The following PEX5L variants were observed in gnomAD, a reference collection of about 807,000 sequenced individuals.
PEX5L encodes the protein PEX5-related protein.
PEX5L carries 30 observed loss-of-function variants against 84.0 expected under a neutral mutation model. The observed-to-expected ratio is 0.36, with a 90% CI of 0.27 to 0.48. The LOEUF (loss-of-function observed/expected upper bound fraction) is 0.48, where lower values mean the gene tolerates loss of function less well. Among genes scored for constraint, PEX5L ranks in the 20% least tolerant of loss-of-function variants. The probability of loss-of-function intolerance (pLI) is 0.99; values close to 1 mark genes in which losing one functional copy is unlikely to be tolerated. For missense variants in PEX5L, 533 were observed against 754.6 expected (o/e 0.71, Z 3.44); for synonymous variants, 270 against 283.1 (o/e 0.95, Z 0.46).
intron 2 of PEX5L, among the ~76,000 whole-genome samples, chr3:179,901,591 T>C (rs1761366457): frequency 6.6e-6 from 1 of 152,222 alleles, no homozygotes; most frequent in Admixed American, 6.5e-5. Context: ...TCAAGTAATA[T>C]TTCAAAATCA....
intron 12 of PEX5L, among the ~76,000 whole-genome samples, chr3:179,808,844 G>A (rs1722451740): frequency 6.6e-6 from 1 of 151,992 alleles, no homozygotes; most frequent in Non-Finnish European, 1.5e-5. Flanking sequence ...TTGGGAGGCC[G>A]AGGCGGGCGG....
chr3:179,960,750 G>A lies in PEX5L; in HGVS notation c.93+10844C>T, dbSNP rs944598698. Among the ~76,000 whole-genome samples, 3 of 152,212 alleles carry A rather than the reference G, an allele frequency of 2.0e-5. No homozygotes were observed. In the South Asian group the frequency reaches 6.2e-4, roughly 32 times the overall value. ...TTATGAGCTCAATATGTTTTATCTTGTAGTAAATGATTTGATTAATGAAAT... is the reference window on the plus strand; with the variant it reads ...TTATGAGCTCAATATGTTTTATCTTATAGTAAATGATTTGATTAATGAAAT... On this transcript the variant is annotated intron_variant, in intron 2 of 14. Coordinates refer to ENST00000467460, the MANE Select transcript of PEX5L (RefSeq NM_016559.3).
At chr3:179,900,472 T>C (rs1406215048) in intron 2 of PEX5L, among the ~76,000 whole-genome samples, 1 of 152,164 alleles carries the variant, frequency 6.6e-6, no homozygotes, top group African/African-American at 2.4e-5. Context: ...ATCCATAAAC[T>C]ACATAGAGAT....
chr3:179,849,564 A>T (rs1278403993), intron 8 of PEX5L, among the ~76,000 whole-genome samples: 1 of 152,192 alleles, frequency 6.6e-6, no homozygotes, highest in African/African-American at 2.4e-5. Context: ...TAAGTTTAAC[A>T]TGTGATTCCT....
rs866233445 is a variant in PEX5L at position 179,956,806 on chromosome 3, C to T, written c.93+14788G>A. Among the ~76,000 whole-genome samples, 34 of 152,224 alleles carry T rather than the reference C, an allele frequency of 2.2e-4. 1 individual carries two copies. The highest frequency in any genetic ancestry group is 3.4e-3 in the Middle Eastern group (1 of 294). ...CTCCAGTGATGCTTAACGGTGCATC[C>T]GGGATATGAAAAGATGACACTGCAA... On this transcript the variant is annotated intron_variant, in intron 2 of 14. Coordinates refer to ENST00000467460, the MANE Select transcript of PEX5L (RefSeq NM_016559.3).
intron 2 of PEX5L, among the ~76,000 whole-genome samples, chr3:179,944,927 CCT>C (rs2109858875): frequency 6.6e-6 from 1 of 152,298 alleles, no homozygotes; most frequent in African/African-American, 2.4e-5. Flanking sequence ...TTAACATCTC[CCT>C]CTGTGTCCGC....
At chr3:179,960,410 G>A (rs1341209093) in intron 2 of PEX5L, among the ~76,000 whole-genome samples, 1 of 152,174 alleles carries the variant, frequency 6.6e-6, no homozygotes, top group Non-Finnish European at 1.5e-5. Flanking sequence ...GGGGCTGGAT[G>A]ACAATGGACA....
At chr3:179,889,906 C>T (rs1326088073) in intron 3 of PEX5L, among the ~76,000 whole-genome samples, 3 of 152,120 alleles carry the variant, frequency 2.0e-5, no homozygotes, top group Non-Finnish European at 1.5e-5. Flanking sequence ...ATTTTATTAT[C>T]TGGAAATGTA....
At chr3:179,904,368 T>G (rs1169227480) in intron 2 of PEX5L, among the ~76,000 whole-genome samples, 1 of 152,204 alleles carries the variant, frequency 6.6e-6, no homozygotes, top group Non-Finnish European at 1.5e-5. Flanking sequence ...ACTATTTGTT[T>G]TACCCAGACT....
intron 1 of PEX5L, among the ~76,000 whole-genome samples, chr3:179,991,408 C>T (rs1177553674): frequency 6.6e-6 from 1 of 152,158 alleles, no homozygotes; most frequent in Non-Finnish European, 1.5e-5. Context: ...AATTTCTTAT[C>T]ATCACTGCTA....
intron 2 of PEX5L, among the ~76,000 whole-genome samples, chr3:179,905,128 C>T (rs1762695667): frequency 6.6e-6 from 1 of 152,182 alleles, no homozygotes; most frequent in Non-Finnish European, 1.5e-5. Flanking sequence ...AGCCTGGACC[C>T]TTTAGACCTG....
At chr3:179,915,013 G>A (rs1187923436) in intron 2 of PEX5L, among the ~76,000 whole-genome samples, 1 of 152,122 alleles carries the variant, frequency 6.6e-6, no homozygotes, top group Non-Finnish European at 1.5e-5. Context: ...CCTTCTATAA[G>A]ATGCAGCCTT....
intron 2 of PEX5L, among the ~76,000 whole-genome samples, chr3:179,918,575 G>T (rs1768101100): frequency 6.6e-6 from 1 of 152,156 alleles, no homozygotes; most frequent in Non-Finnish European, 1.5e-5. Context: ...CTAAGTTTCA[G>T]TCCTAGTACT....
intron 8 of PEX5L, among the ~76,000 whole-genome samples, chr3:179,835,498 A>G (rs971415036): frequency 1.3e-5 from 2 of 152,210 alleles, no homozygotes; most frequent in Admixed American, 1.3e-4. Flanking sequence ...AGGACAAAAC[A>G]GCAATAGTGG....
rs191176917 is a variant in PEX5L at position 179,809,066 on chromosome 3, T to A, written c.1352+405A>T. On this transcript the variant is annotated intron_variant, in intron 12 of 14. Transcript: ENST00000467460. ...TCCAGCCTGGGCGACAGAGTGAGAT[T>A]CCGCCTCAAAAAAAAAAAAAAAAAA... Among the ~76,000 whole-genome samples, 551 of 63,128 alleles carry A rather than the reference T, an allele frequency of 8.7e-3. 5 individuals carry two copies. Among genetic ancestry groups the A allele is most frequent in the African/African-American group, 0.033 (531 of 15,992 alleles). 41.4% of individuals were successfully genotyped at this position (63,128 alleles called of 152,430 possible).
chr3:180,018,943 A>G (rs940041698), intron 1 of PEX5L, among the ~76,000 whole-genome samples: 2 of 152,198 alleles, frequency 1.3e-5, no homozygotes, highest in African/African-American at 4.8e-5. Flanking sequence ...GGGCCACTCT[A>G]TTAAAGGCAT....
intron 1 of PEX5L, among the ~76,000 whole-genome samples, chr3:180,032,882 G>A (rs1176680824): frequency 6.6e-6 from 1 of 151,964 alleles, no homozygotes; most frequent in Non-Finnish European, 1.5e-5. Context: ...TACCAGGAGG[G>A]AAAAAAGTGG....
intron 2 of PEX5L, among the ~76,000 whole-genome samples, chr3:179,917,887 G>T (rs1475912767): frequency 6.6e-6 from 1 of 152,100 alleles, no homozygotes; most frequent in African/African-American, 2.4e-5. Flanking sequence ...TTGAACTCCC[G>T]ACCTCAGGTG....
At chr3:180,019,496 G>A (rs1790239820) in intron 1 of PEX5L, among the ~76,000 whole-genome samples, 1 of 152,130 alleles carries the variant, frequency 6.6e-6, no homozygotes, top group Admixed American at 6.5e-5. Flanking sequence ...CATTTTAAAT[G>A]TGCAAACAGG....
Sources: allele counts gnomAD v4.1 joint callset (sites outside exome capture counted in the v4.1 genomes callset), GRCh38; gene constraint gnomAD v4.1.1; transcripts MANE v1.5; gene names NCBI Gene and HGNC (gene_info 2026-07-23, HGNC 2026-07-21).